NMNAT2: variants seen among roughly 807,000 people sequenced by gnomAD.
The protein encoded by NMNAT2 is nicotinamide/nicotinic acid mononucleotide adenylyltransferase 2.
Under a neutral mutation model 41.6 loss-of-function variants are expected in NMNAT2, and 11 were observed. The observed-to-expected ratio is 0.26, with a 90% confidence interval of 0.17 to 0.44. The LOEUF (loss-of-function observed/expected upper bound fraction) is 0.44. Among genes scored for constraint, NMNAT2 ranks in the 20% least tolerant of loss-of-function variants. NMNAT2 has a pLI of 1.00. For synonymous variants in NMNAT2, 148 were observed against 151.2 expected (o/e 0.98, Z 0.16); for missense variants, 288 against 407.7 (o/e 0.71, Z 2.53).
Position 183,252,340 on chromosome 1 carries a change from CG to C in NMNAT2, c.*300del, listed in dbSNP as rs1214594560. On this transcript the variant is annotated 3_prime_UTR_variant, in exon 11 of 11. Coordinates refer to ENST00000287713, the MANE Select transcript of NMNAT2 (RefSeq NM_015039.4). ...GTGCTGGGAGGATGGGCACCAGAGCCGCCTCTCTAGAGCATGCTGGGAGACG... is the reference window on the plus strand; with the variant it reads ...GTGCTGGGAGGATGGGCACCAGAGCCCCTCTCTAGAGCATGCTGGGAGACG... The C allele has an allele frequency of 2.9e-6, 1 of 344,418 alleles. No homozygotes were observed. Among genetic ancestry groups the C allele is most frequent in the East Asian group, 6.6e-5 (1 of 15,230 alleles). The allele number at this position is 344,418 out of a possible 1,614,324, so 21.3% of individuals were successfully genotyped here.
At chr1:183,369,925 A>G (rs1429637153) in intron 1 of NMNAT2, among the ~76,000 whole-genome samples, 2 of 152,084 alleles carry the variant, frequency 1.3e-5, no homozygotes, top group African/African-American at 4.8e-5. Flanking sequence ...GTTTAAATAA[A>G]TTGCCCAAGG....
At chr1:183,253,669 T>A (rs1660448066) in intron 10 of NMNAT2, among the ~76,000 whole-genome samples, 1 of 152,170 alleles carries the variant, frequency 6.6e-6, no homozygotes, top group Non-Finnish European at 1.5e-5. Context: ...CCTACATATT[T>A]GCTGCTTTGT....
rs574300800 is a variant in NMNAT2, at chr1:183,283,839, T to A, written c.574+156A>T. 4.1e-6 allele frequency: 3 copies of A among 727,196 alleles called. No individual in the cohort carries two copies. The East Asian group carries it at 8.0e-5, about 19-fold the overall frequency. The allele number at this position is 727,196 out of a possible 1,614,324, so 45.0% of individuals were successfully genotyped here. A position where few individuals can be genotyped will look rare whatever the true frequency, so the allele number is the denominator to read the frequency against. ...GATGTTAAAGGGAGCTAACTACGAATGCAATCTTAGCCTGGGAACGATCCC... is the reference window on the plus strand; with the variant it reads ...GATGTTAAAGGGAGCTAACTACGAAAGCAATCTTAGCCTGGGAACGATCCC... On this transcript the variant is annotated intron_variant, in intron 7 of 10. Coordinates refer to ENST00000287713, the MANE Select transcript of NMNAT2 (RefSeq NM_015039.4).
chr1:183,394,377 C>T (rs932605499), intron 1 of NMNAT2, among the ~76,000 whole-genome samples: 1 of 152,172 alleles, frequency 6.6e-6, no homozygotes, highest in African/African-American at 2.4e-5. Context: ...GAAGAGCTTT[C>T]TAATAAATGA....
intron 1 of NMNAT2, among the ~76,000 whole-genome samples, chr1:183,388,639 G>C (rs1225374837): frequency 1.3e-5 from 2 of 152,164 alleles, no homozygotes; most frequent in Non-Finnish European, 2.9e-5. Flanking sequence ...CTTTAATAAA[G>C]AAGACTCCTG....
chr1:183,407,163 C>T (rs61809267), intron 1 of NMNAT2, among the ~76,000 whole-genome samples: 4,237 of 152,254 alleles, frequency 0.028, 89 homozygotes, highest in Non-Finnish European at 0.04. Context: ...AAAAATAATT[C>T]CTACATGTCC....
chr1:183,374,386 T>G (rs1342058384), intron 1 of NMNAT2, among the ~76,000 whole-genome samples: 1 of 152,144 alleles, frequency 6.6e-6, no homozygotes, highest in Non-Finnish European at 1.5e-5. Context: ...TTCTACCCCG[T>G]CAAGAAGAGC....
At chr1:183,361,592 A>G (rs2102359420) in intron 1 of NMNAT2, among the ~76,000 whole-genome samples, 1 of 99,104 alleles carries the variant, frequency 1.0e-5, no homozygotes, top group African/African-American at 3.2e-5. Context: ...GCAATGGCAA[A>G]TCCTAGTGCT....
chr1:183,249,715 G>C lies in NMNAT2; in HGVS notation c.*2926C>G, dbSNP rs1024705084. On this transcript the variant is annotated 3_prime_UTR_variant, in exon 11 of 11. Coordinates refer to ENST00000287713, the MANE Select transcript of NMNAT2 (RefSeq NM_015039.4). ...TGTGTGTGTGTGTGTGTGTGTGTGT[G>C]TGTGTGTGTGTGTGTGTTTGGGGGG... 25 of 154,042 alleles carry C rather than the reference G, an allele frequency of 1.6e-4. No individual in the cohort carries two copies. The highest frequency in any genetic ancestry group is 5.8e-4 in the African/African-American group (24 of 41,216). 9.5% of individuals were successfully genotyped at this position (154,042 alleles called of 1,614,324 possible).
intron 1 of NMNAT2, among the ~76,000 whole-genome samples, chr1:183,353,037 C>G (rs1368505547): frequency 6.6e-6 from 1 of 151,978 alleles, no homozygotes; most frequent in East Asian, 1.9e-4. Context: ...GATGGAGTCT[C>G]ACTCTGTCAC....
chr1:183,299,013 A>G (rs1048192475), intron 1 of NMNAT2, among the ~76,000 whole-genome samples: 2 of 152,250 alleles, frequency 1.3e-5, no homozygotes, highest in African/African-American at 2.4e-5. Context: ...CAAATGTCCT[A>G]CGATAGGTAA....
At chr1:183,338,223 A>AGATCTATGATATG (rs61522654) in intron 1 of NMNAT2, among the ~76,000 whole-genome samples, 106,556 of 149,850 alleles carry the variant, frequency 0.71, 38,054 homozygotes, top group East Asian at 0.9. Context: ...CAGATCATTA[A>AGATCTATGATATG]CCGTGAGGCA....
chr1:183,313,220 C>G (rs1380469842), intron 1 of NMNAT2, among the ~76,000 whole-genome samples: 1 of 151,954 alleles, frequency 6.6e-6, no homozygotes, highest in Non-Finnish European at 1.5e-5. Context: ...TGTTAAAATA[C>G]TTGTGATTTA....
Position 183,340,642 on chromosome 1 carries a change from G to A in NMNAT2, c.86-46849C>T, listed in dbSNP as rs367691426. On this transcript the variant is annotated intron_variant, in intron 1 of 10. Coordinates refer to ENST00000287713, the MANE Select transcript of NMNAT2 (RefSeq NM_015039.4). ...CCTGGCCTCTGGGTTAGCTTCTTCC[G>A]ATGGACAGCAGACTGGGAAGCTTTG... 8.5e-5 allele frequency among the ~76,000 whole-genome samples: 13 copies of A among 152,258 alleles called. No individual in the cohort carries two copies. In the East Asian group the frequency reaches 9.7e-4, roughly 11 times the overall value.
At chr1:183,293,564 A>G in intron 2 of NMNAT2, 141 bp downstream of exon 2, 1 of 673,668 alleles carries the variant, frequency 1.5e-6, no homozygotes, top group Non-Finnish European at 2.7e-6. Context: ...GGGAAGCAGG[A>G]TAGACGCATG....
chr1:183,271,050 G>A (rs1571563622), intron 8 of NMNAT2, among the ~76,000 whole-genome samples: 1 of 152,186 alleles, frequency 6.6e-6, no homozygotes, highest in East Asian at 1.9e-4. Context: ...GAACCAGCCT[G>A]TGGAATGCTG....
intron 1 of NMNAT2, among the ~76,000 whole-genome samples, chr1:183,417,106 T>C (rs1317115479): frequency 6.6e-6 from 1 of 152,164 alleles, no homozygotes; most frequent in Middle Eastern, 3.2e-3. Context: ...GACCTCCGCG[T>C]CCCTCTTTCC....
intron 1 of NMNAT2, among the ~76,000 whole-genome samples, chr1:183,330,977 T>C (rs952448): frequency 0.45 from 68,145 of 151,980 alleles, 16,296 homozygotes; most frequent in East Asian, 0.78. Context: ...CCTCCTCTGT[T>C]TCTTTTCTTT....
intron 10 of NMNAT2, 120 bp downstream of exon 10, chr1:183,260,881 GC>G (rs1660640191): frequency 1.3e-6 from 1 of 765,668 alleles, no homozygotes; most frequent in Admixed American, 1.8e-5. Flanking sequence ...CAAACAGGAA[GC>G]TAAACACCAG....
Sources: gnomAD v4.1 joint callset for allele counts (sites outside exome capture counted in the v4.1 genomes callset) on GRCh38, gnomAD v4.1.1 for gene constraint, MANE v1.5 for transcripts, NCBI Gene and HGNC (gene_info 2026-07-23, HGNC 2026-07-21) for gene names.